The following ZMYM6 variants were observed in gnomAD, a reference collection of about 807,000 sequenced individuals.
ZMYM6 encodes the protein zinc finger MYM-type protein 6.
A neutral mutation model predicts 134.0 loss-of-function variants in ZMYM6; 90 were observed. The ratio of observed to expected loss-of-function variants is 0.67; its 90% CI spans 0.57 to 0.80. The LOEUF is 0.80. ZMYM6 is among the 30% of genes least tolerant of loss of function. ZMYM6 has a pLI of 0.00. For missense variants in ZMYM6, 1,362 were observed against 1,533.9 expected (o/e 0.89, Z 1.87); for synonymous variants, 481 against 524.1 (o/e 0.92, Z 1.12).
intron 9 of ZMYM6, 35 bp from the exon 10 acceptor site, chr1:35,010,632 A>C (rs773292875): frequency 1.3e-6 from 2 of 1,575,488 alleles, no homozygotes; most frequent in Non-Finnish European, 1.7e-6. Flanking sequence ...AGAGCCAACT[A>C]AACAGTTGCT....
At chr1:35,015,327 G>T (rs1323826062) in intron 4 of ZMYM6, among the ~76,000 whole-genome samples, 165 bp from the exon 5 acceptor site, 3 of 152,140 alleles carry the variant, frequency 2.0e-5, no homozygotes, top group Non-Finnish European at 2.9e-5. Flanking sequence ...TTTATCAGGT[G>T]AGTGACAATG....
chr1:35,005,770 G>A (rs997027798), intron 12 of ZMYM6, among the ~76,000 whole-genome samples: 2 of 152,258 alleles, frequency 1.3e-5, no homozygotes, highest in East Asian at 3.9e-4. Flanking sequence ...AAGTTAATGA[G>A]GGAGCTGTCC....
At position 34,987,376 on chromosome 1, in the gene ZMYM6, T is replaced by C; in HGVS notation, c.3706A>G (p.Thr1236Ala). 1 of 1,614,062 alleles carries C rather than the reference T, an allele frequency of 6.2e-7. No individual in the cohort carries two copies. Among genetic ancestry groups the C allele is most frequent in the Non-Finnish European group, 8.5e-7 (1 of 1,179,992 alleles). Residue 1236 changes from threonine (T) to alanine (A), a missense_variant, in exon 16 of 16, where the codon ACA becomes GCA. This residue lies in a region of ZMYM6 where 824 missense variants were observed against 940.9 expected (regional missense o/e 0.88). Coordinates refer to ENST00000357182, the MANE Select transcript of ZMYM6 (RefSeq NM_007167.4). ...NLTDFEEEKL[T>A]ELSSDLGLQA... is the part of the protein sequence containing the mutation. ...AATCCTAAATCTGAAGATAGCTCTG[T>C]TAGCTTTTCTTCTTCGAAGTCGGTG... is the stretch of plus-strand genomic sequence containing the variant.
In ZMYM6 at chr1:35,010,770, A is replaced by C. The variant is rs777010571; in HGVS notation, c.1329T>G (p.Leu443=). The change falls in exon 9 of 16, where the codon CTT becomes CTG. Residue 443 remains leucine, a synonymous_variant. Coordinates refer to ENST00000357182, the MANE Select transcript of ZMYM6 (RefSeq NM_007167.4). The stretch of plus-strand genomic sequence containing the variant: ...GATCTCTCTTTACCTTGTAAAAAAG[A>C]AGTTCTGGTTTTGTGGCAAATAGAT... ...CNHLFATKPE[L]LFYKGKMFLF... is the part of the protein sequence containing the mutation. 3.8e-5 allele frequency: 60 copies of C among 1,560,582 alleles called. No individual in the cohort carries two copies. The highest frequency in any genetic ancestry group is 4.6e-5 in the Non-Finnish European group (53 of 1,158,460).
chr1:35,015,112 T>C lies in ZMYM6; in HGVS notation c.479A>G (p.Tyr160Cys), dbSNP rs975587464. 14 of 1,612,982 alleles carry C rather than the reference T, an allele frequency of 8.7e-6. No individual in the cohort carries two copies. The highest frequency in any genetic ancestry group is 2.2e-5 in the East Asian group (1 of 44,870). ...TTGGCTGCAGAAATCTTTGCTAGGA[T>C]AGGAATTCTCAAAGCGAGTTGTGAT... Reference protein sequence around the residue: ...DVITTRFENSYPSKDFCSQSC... With the variant: ...DVITTRFENSCPSKDFCSQSC... Residue 160 changes from tyrosine to cysteine, a missense_variant, in exon 5 of 16, where the codon TAT (tyrosine) becomes TGT (cysteine). Tyr to Cys is a radical substitution (Grantham distance 194). Around this residue, in one of 3 missense-constraint regions of ZMYM6, gnomAD observed 503 missense variants for 520.8 expected, o/e 0.97. Transcript: ENST00000357182.
chr1:35,005,957 G>A (rs1640958686), intron 12 of ZMYM6, among the ~76,000 whole-genome samples: 1 of 152,322 alleles, frequency 6.6e-6, no homozygotes, highest in African/African-American at 2.4e-5. Context: ...AAGAGCCAAA[G>A]CTCTGTCAAT....
chr1:35,006,663 T>C (rs978671167), intron 12 of ZMYM6, among the ~76,000 whole-genome samples: 17 of 152,210 alleles, frequency 1.1e-4, no homozygotes, highest in Non-Finnish European at 2.2e-4. Context: ...GTTTAAGTTA[T>C]TTATGTACAG....
intron 10 of ZMYM6, 53 bp downstream of exon 10, chr1:35,010,394 C>A: frequency 6.4e-7 from 1 of 1,556,318 alleles, no homozygotes; most frequent in African/African-American, 1.4e-5. Context: ...TTGCCCAAGT[C>A]GTCATGAATT....
chr1:35,025,831 T>A (rs185702211), intron 2 of ZMYM6, among the ~76,000 whole-genome samples: 85 of 152,280 alleles, frequency 5.6e-4, no homozygotes, highest in Non-Finnish European at 1.1e-3. Flanking sequence ...CGGGTTACTA[T>A]CTAGGACTCA....
intron 4 of ZMYM6, chr1:35,017,618 T>C (rs1159240559): frequency 6.6e-6 from 1 of 152,230 alleles, no homozygotes; most frequent in African/African-American, 2.4e-5. Flanking sequence ...TTTCTAATTT[T>C]TTTAAGATAA....
chr1:34,988,385 A>C lies in ZMYM6; in HGVS notation c.2697T>G (p.Ile899Met). 6.4e-7 allele frequency: 1 copy of C among 1,551,626 alleles called. No individual in the cohort carries two copies. The highest frequency in any genetic ancestry group is 8.7e-7 in the Non-Finnish European group (1 of 1,146,952). ...ELSADIEDQL[I>M]QKVRESKWFA... Reference sequence around the variant, plus strand: ...ACCACTTTGACTCTCTGACCTTTTGAATCAGCTGGTCTTCAATGTCTGCAG... The same window carrying C: ...ACCACTTTGACTCTCTGACCTTTTGCATCAGCTGGTCTTCAATGTCTGCAG... The change falls in exon 16 of 16, where the codon ATT becomes ATG. Residue 899 changes from isoleucine (I) to methionine (M), a missense_variant. By Grantham distance (10) the Ile-to-Met change is conservative (BLOSUM62 1). Coordinates refer to ENST00000357182, the MANE Select transcript of ZMYM6 (RefSeq NM_007167.4).
intron 4 of ZMYM6, chr1:35,019,121 C>A: frequency 1.6e-6 from 1 of 607,818 alleles, no homozygotes; most frequent in Non-Finnish European, 2.9e-6. Context: ...TTTGTTATTT[C>A]TTTCCATAGT....
intron 2 of ZMYM6, among the ~76,000 whole-genome samples, chr1:35,029,516 T>C (rs57291616): frequency 0.22 from 32,779 of 152,120 alleles, 8,414 homozygotes; most frequent in African/African-American, 0.61. Flanking sequence ...CACATATGAT[T>C]ATGATATAAT....
Position 34,987,294 on chromosome 1 carries a change from C to G in ZMYM6, c.3788G>C (p.Ser1263Thr). The G allele has an allele frequency of 6.2e-7, 1 of 1,612,214 alleles. No homozygotes were observed. Among genetic ancestry groups the G allele is most frequent in the Non-Finnish European group, 8.5e-7 (1 of 1,179,176 alleles). ...VTQFWINAKT[S>T]YPELHERAMK... ...TGCCCTTTCATGGAGTTCTGGGTAA[C>G]TTGTCTTTGCATTTATCCAAAACTG... The change falls in exon 16 of 16, where the codon AGT becomes ACT. Residue 1263 changes from serine (S) to threonine (T), a missense_variant. Transcript: ENST00000357182.
intron 6 of ZMYM6, chr1:35,013,017 T>C: frequency 1.0e-6 from 1 of 970,588 alleles, no homozygotes; most frequent in Non-Finnish European, 1.2e-6. Context: ...TTAATGTATA[T>C]TAATAGAGAT....
chr1:35,019,295 A>C, intron 4 of ZMYM6, 58 bp downstream of exon 4: 1 of 1,609,020 alleles, frequency 6.2e-7, no homozygotes, highest in African/African-American at 1.3e-5. Flanking sequence ...TGTTTGAACT[A>C]AACAATATAC....
Position 34,988,612 on chromosome 1 carries a change from C to T in ZMYM6, c.2470G>A (p.Val824Ile). 9 of 1,549,060 alleles carry T rather than the reference C, an allele frequency of 5.8e-6. No homozygotes were observed. The highest frequency in any genetic ancestry group is 7.9e-6 in the Non-Finnish European group (9 of 1,146,340). Residue 824 changes from valine to isoleucine, a missense_variant, in exon 16 of 16, where the codon GTT (valine) becomes ATT (isoleucine). Physicochemically the swap from Val to Ile is conservative, Grantham distance 29. Around this residue, in one of 3 missense-constraint regions of ZMYM6, gnomAD observed 824 missense variants for 940.9 expected, o/e 0.88. Transcript: ENST00000357182. ...QNSSLKKCLL[V>I]EKSLVKASYL... ...GAAGCTTTCACAAGTGACTTTTCAA[C>T]TAGTAAACACTTTTTTAAAGAACTA...
chr1:35,024,467 G>A (rs936076716), intron 2 of ZMYM6, among the ~76,000 whole-genome samples: 2 of 152,016 alleles, frequency 1.3e-5, no homozygotes, highest in Non-Finnish European at 2.9e-5. Flanking sequence ...ACCTCAAACT[G>A]CACTTAGTAC....
Position 35,008,866 on chromosome 1 carries a change from C to T in ZMYM6, c.1551G>A (p.Met517Ile), listed in dbSNP as rs760348863. 6 of 1,614,136 alleles carry T rather than the reference C, an allele frequency of 3.7e-6. No individual in the cohort carries two copies. The highest frequency in any genetic ancestry group is 1.3e-5 in the African/African-American group (1 of 75,052). ...FGERWGNYCK[M>I]CSYCSQTSPN... is the part of the protein sequence containing the mutation. Reference sequence around the variant, plus strand: ...GGGATGTCTGTGAACAGTAGCTGCACATCTTACAGTAGTTTCCCCATCGTT... The same window carrying T: ...GGGATGTCTGTGAACAGTAGCTGCATATCTTACAGTAGTTTCCCCATCGTT... Residue 517 changes from methionine (M) to isoleucine (I), a missense_variant, in exon 11 of 16, where the codon ATG (methionine) becomes ATA (isoleucine). Around this residue, in one of 3 missense-constraint regions of ZMYM6, gnomAD observed 824 missense variants for 940.9 expected, o/e 0.88. Transcript: ENST00000357182.
Sources: allele counts gnomAD v4.1 joint callset (sites outside exome capture counted in the v4.1 genomes callset), GRCh38; gene constraint gnomAD v4.1.1; regional missense constraint gnomAD v4.1.1; transcripts MANE v1.5; gene names NCBI Gene and HGNC (gene_info 2026-07-23, HGNC 2026-07-21).